KPNA6: variants seen among roughly 807,000 people sequenced by gnomAD.
KPNA6 encodes the protein importin subunit alpha-7.
KPNA6 carries 9 observed loss-of-function variants against 72.0 expected under a neutral mutation model. The ratio of observed to expected loss-of-function variants is 0.13; its 90% CI spans 0.08 to 0.22. The LOEUF (loss-of-function observed/expected upper bound fraction) is 0.22, where lower values mean the gene tolerates loss of function less well. Ranked by LOEUF, KPNA6 falls within the 10% of genes least tolerant of loss-of-function variation. The pLI is 1.00. For missense variants in KPNA6, 374 were observed against 655.7 expected (o/e 0.57, Z 4.69); for synonymous variants, 219 against 242.1 (o/e 0.90, Z 0.89).
intron 1 of KPNA6, among the ~76,000 whole-genome samples, chr1:32,109,187 T>TTGA: frequency 6.6e-6 from 1 of 152,248 alleles, no homozygotes; most frequent in East Asian, 1.9e-4. Context: ...GTTGTTGTTG[T>TTGA]TGATAGAGTC....
rs565887327 is a variant in KPNA6 at position 32,155,998 on chromosome 1, C to T, written c.139-855C>T. ...TCTTGAACTCCTGAGCTGAAGTGATCCACCTGCCCTGGCCTCCCAGAGTGC... is the reference window on the plus strand; with the variant it reads ...TCTTGAACTCCTGAGCTGAAGTGATTCACCTGCCCTGGCCTCCCAGAGTGC... On this transcript the variant is annotated intron_variant, in intron 2 of 13. Transcript: ENST00000373625. 1.3e-3 allele frequency among the ~76,000 whole-genome samples: 176 copies of T among 139,288 alleles called. 1 individual carries two copies. Among genetic ancestry groups the T allele is most frequent in the African/African-American group, 4.7e-3 (172 of 36,794 alleles). 91.4% of individuals were successfully genotyped at this position (139,288 alleles called of 152,430 possible). A position where few individuals can be genotyped will look rare whatever the true frequency, so the allele number is the denominator to read the frequency against.
intron 1 of KPNA6, among the ~76,000 whole-genome samples, chr1:32,113,763 G>A (rs184021559): frequency 1.3e-5 from 2 of 152,212 alleles, no homozygotes; most frequent in Admixed American, 6.6e-5. Flanking sequence ...CAGGATTAAC[G>A]GCATTTTCAC....
chr1:32,140,958 T>A (rs994946513), intron 1 of KPNA6, among the ~76,000 whole-genome samples: 1 of 152,192 alleles, frequency 6.6e-6, no homozygotes, highest in Admixed American at 6.5e-5. Context: ...TCTTTGGATT[T>A]ATTATTGTGT....
chr1:32,157,301 C>A, intron 3 of KPNA6, 45 bp from the exon 4 acceptor site: 1 of 1,449,224 alleles, frequency 6.9e-7, no homozygotes, highest in Non-Finnish European at 9.7e-7. Context: ...TCACATCTGG[C>A]TCTAATGTTG....
chr1:32,156,804 T>G, intron 2 of KPNA6, 49 bp from the exon 3 acceptor site: 1 of 1,377,390 alleles, frequency 7.3e-7, no homozygotes, highest in Non-Finnish European at 1.0e-6. Context: ...TTGTTCTTTG[T>G]TTTCTTTGGT....
chr1:32,122,166 C>T (rs1024042236), intron 1 of KPNA6, among the ~76,000 whole-genome samples: 9 of 151,818 alleles, frequency 5.9e-5, no homozygotes, highest in Admixed American at 4.6e-4. Context: ...CCCAGCTACT[C>T]GGGAGGCTAA....
At chr1:32,132,983 C>T (rs1570017074) in intron 1 of KPNA6, among the ~76,000 whole-genome samples, 1 of 152,216 alleles carries the variant, frequency 6.6e-6, no homozygotes, top group Admixed American at 6.5e-5. Context: ...GATCCACCTG[C>T]CCCAGCCTCC....
chr1:32,167,411 C>T (rs1642359466), intron 12 of KPNA6, 115 bp downstream of exon 12: 1 of 1,156,340 alleles, frequency 8.6e-7, no homozygotes. Context: ...CCCCTAGTCT[C>T]ACTGTAATAG....
rs894402051 is a variant in KPNA6 at position 32,131,353 on chromosome 1, G to A, written c.4+23219G>A. Among the ~76,000 whole-genome samples the A allele has an allele frequency of 2.0e-5, 3 of 151,266 alleles. No individual in the cohort carries two copies. The South Asian group carries it at 6.2e-4, about 32-fold the overall frequency. On this transcript the variant is annotated intron_variant, in intron 1 of 13. Transcript: ENST00000373625. ...CTTTGGAGTAGGCAATGATTTGTTA[G>A]ATAAGATGCCAAAGGCTGGGCATGG...
Sources: gnomAD v4.1 joint callset for allele counts (sites outside exome capture counted in the v4.1 genomes callset) on GRCh38, gnomAD v4.1.1 for gene constraint, MANE v1.5 for transcripts, NCBI Gene and HGNC (gene_info 2026-07-23, HGNC 2026-07-21) for gene names.